Variants in PPP1R9B observed in about 807,000 individuals in gnomAD.
PPP1R9B encodes neurabin-2.
PPP1R9B carries 17 observed loss-of-function variants against 75.8 expected under a neutral mutation model. The observed-to-expected ratio is 0.22, with a 90% CI of 0.15 to 0.34. The LOEUF is 0.34. PPP1R9B is among the 10% of genes least tolerant of loss of function. The pLI is 1.00. For synonymous variants in PPP1R9B, 509 were observed against 535.4 expected (o/e 0.95, Z 0.68); for missense variants, 875 against 1,196.0 (o/e 0.73, Z 3.96).
chr17:50,147,158 AG>A (rs1429873642), intron 1 of PPP1R9B, among the ~76,000 whole-genome samples: 1 of 152,222 alleles, frequency 6.6e-6, no homozygotes, highest in Non-Finnish European at 1.5e-5. Flanking sequence ...TGCCGCCTGC[AG>A]GAATCCCAGG....
intron 3 of PPP1R9B, among the ~76,000 whole-genome samples, chr17:50,141,668 A>AC (rs1225529839): frequency 1.3e-5 from 2 of 151,724 alleles, no homozygotes; most frequent in African/African-American, 2.4e-5. Flanking sequence ...GCCTCAAAAA[A>AC]AAAAAAAAAC....
rs555126758 is a variant in PPP1R9B, at chr17:50,149,042, C to A, written c.1371+101G>T. The A allele has an allele frequency of 1.2e-3, 1,052 of 849,470 alleles. 3 individuals are homozygous for A. The highest frequency in any genetic ancestry group is 3.5e-3 in the Admixed American group (96 of 27,562). The allele number at this position is 849,470 out of a possible 1,614,324, so 52.6% of individuals were successfully genotyped here. ...TGGGAAGGGGGCTGGGTGGCAGGGG[C>A]TGACTCAGCCTGCCAAACCCGGCTG... is the stretch of plus-strand genomic sequence containing the variant. On this transcript the variant is annotated intron_variant, in intron 1 of 9. Coordinates refer to ENST00000612501, the MANE Select transcript of PPP1R9B (RefSeq NM_032595.5). This position sits in a 1 kb window ranked among gnomAD's most constrained non-coding sequence, Gnocchi z 7.2.
chr17:50,144,520 C>T (rs974153171), intron 2 of PPP1R9B, among the ~76,000 whole-genome samples: 6 of 152,182 alleles, frequency 3.9e-5, no homozygotes, highest in African/African-American at 2.4e-5. Context: ...AACAAGACCA[C>T]GTGGTCTGCA....
At chr17:50,145,390 AC>A in intron 1 of PPP1R9B, 145 bp from the exon 2 acceptor site, 1 of 1,051,790 alleles carries the variant, frequency 9.5e-7, no homozygotes, top group Non-Finnish European at 1.4e-6. Context: ...GTCCCCTGAG[AC>A]CCCAGCTCTG....
rs1252965618 is a variant in PPP1R9B, at chr17:50,139,500, G to A, written c.1948C>T (p.Leu650=). 6.2e-7 allele frequency: 1 copy of A among 1,602,464 alleles called. No individual in the cohort carries two copies. The highest frequency in any genetic ancestry group is 8.5e-7 in the Non-Finnish European group (1 of 1,172,908). The part of the protein sequence containing the change: ...GGEMAIEVFE[L]AENEDALSPV... ...GACAGTGCATCCTCGTTCTCCGCTAGCTCAAACACCTCGATGGCCATCTCA... is the reference window on the plus strand; with the variant it reads ...GACAGTGCATCCTCGTTCTCCGCTAACTCAAACACCTCGATGGCCATCTCA... Residue 650 remains leucine (L), a synonymous_variant, in exon 6 of 10, where the codon CTA becomes TTA. Transcript: ENST00000612501. The surrounding 1 kb of genome is among the most constrained non-coding windows in gnomAD (Gnocchi z 5.0).
At chr17:50,145,864 C>T (rs1437703947) in intron 1 of PPP1R9B, among the ~76,000 whole-genome samples, 1 of 152,092 alleles carries the variant, frequency 6.6e-6, no homozygotes, top group Non-Finnish European at 1.5e-5. Flanking sequence ...CAGGAAAGAC[C>T]ATCTCTATCC....
In PPP1R9B at chr17:50,150,191, C is replaced by A; in HGVS notation, c.323G>T (p.Ser108Ile). The part of the protein sequence containing the change: ...ASSLNENVDH[S>I]ALLKLGTSVS... Reference sequence around the variant, plus strand: ...GCTGGTGCCCAGCTTCAGCAGGGCGCTGTGGTCCACGTTCTCGTTCAGGCT... The same window carrying A: ...GCTGGTGCCCAGCTTCAGCAGGGCGATGTGGTCCACGTTCTCGTTCAGGCT... Residue 108 changes from serine to isoleucine, a missense_variant, in exon 1 of 10, where the codon AGC (serine) becomes ATC (isoleucine). By Grantham distance (142) the Ser-to-Ile change is moderately radical (BLOSUM62 -2). This residue lies in a region of PPP1R9B where 145 missense variants were observed against 226.1 expected (regional missense o/e 0.64). Coordinates refer to ENST00000612501, the MANE Select transcript of PPP1R9B (RefSeq NM_032595.5). This position sits in a 1 kb window ranked among gnomAD's most constrained non-coding sequence, Gnocchi z 8.7. The A allele has an allele frequency of 6.8e-7, 1 of 1,461,324 alleles. No individual in the cohort carries two copies. Among genetic ancestry groups the A allele is most frequent in the Non-Finnish European group, 9.0e-7 (1 of 1,107,512 alleles). The allele number at this position is 1,461,324 out of a possible 1,614,324, so 90.5% of individuals were successfully genotyped here.
intron 2 of PPP1R9B, 151 bp downstream of exon 2, chr17:50,144,962 A>G: frequency 1.1e-6 from 1 of 942,284 alleles, no homozygotes; most frequent in Non-Finnish European, 1.6e-6. Context: ...ACAAGGGAGG[A>G]GCGGGGAAGG....
In PPP1R9B at chr17:50,141,443, A is replaced by G. The variant is rs928495170; in HGVS notation, c.1626-70T>C. The G allele has an allele frequency of 2.4e-5, 24 of 1,007,754 alleles. No individual in the cohort carries two copies. The African/African-American group carries it at 3.3e-4, about 14-fold the overall frequency. The allele number at this position is 1,007,754 out of a possible 1,614,324, so 62.4% of individuals were successfully genotyped here. A position where few individuals can be genotyped will look rare whatever the true frequency, so the allele number is the denominator to read the frequency against. On this transcript the variant is annotated intron_variant, in intron 3 of 9. Coordinates refer to ENST00000612501, the MANE Select transcript of PPP1R9B (RefSeq NM_032595.5). ...GCGAGGGTAGAGGTAGCCTCCTCCC[A>G]TCAGAAACTCCAGGCTCCCCAGCCT... is the stretch of plus-strand genomic sequence containing the variant.
chr17:50,135,767 G>A, intron 8 of PPP1R9B, 118 bp from the exon 9 acceptor site: 1 of 987,534 alleles, frequency 1.0e-6, no homozygotes, highest in Non-Finnish European at 1.5e-6. Context: ...CTCAGGTCAG[G>A]AGGCCCCAGG....
At chr17:50,141,693 A>G (rs1912385847) in intron 3 of PPP1R9B, among the ~76,000 whole-genome samples, 1 of 152,008 alleles carries the variant, frequency 6.6e-6, no homozygotes, top group Non-Finnish European at 1.5e-5. Context: ...AAAAACAAGA[A>G]AAGAAAACAA....
rs62000365 is a variant in PPP1R9B, at chr17:50,141,307, G to A, written c.1692C>T (p.Phe564=). The A allele has an allele frequency of 7.5e-3, 11,879 of 1,592,358 alleles. 325 individuals carry two copies. The highest frequency in any genetic ancestry group is 0.073 in the African/African-American group (5,440 of 74,194). The change falls in exon 4 of 10, where the codon TTC becomes TTT. Residue 564 remains phenylalanine (F), a synonymous_variant. Transcript: ENST00000612501. The part of the protein sequence containing the change: ...GTSLVGVTQS[F]AASVLRNTKG... ...TGGTGTTCCGGAGCACAGACGCCGC[G>A]AAGCTCTGGGTCACTCCCACCAGAC...
At position 50,142,460 on chromosome 17, in the gene PPP1R9B, A is replaced by G. The variant is rs1912411023; in HGVS notation, c.1626-1087T>C. The stretch of plus-strand genomic sequence containing the variant: ...ACATTGGGAGGGGAAGGGGTAAATG[A>G]AAGGGTATCCTGTTCCCGGCCCCTC... On this transcript the variant is annotated intron_variant, in intron 3 of 9. Transcript: ENST00000612501. This position sits in a 1 kb window ranked among gnomAD's most constrained non-coding sequence, Gnocchi z 4.1. Among the ~76,000 whole-genome samples the G allele has an allele frequency of 6.6e-6, 1 of 152,166 alleles. No individual in the cohort carries two copies. Among genetic ancestry groups the G allele is most frequent in the African/African-American group, 2.4e-5 (1 of 41,424 alleles).
intron 7 of PPP1R9B, 92 bp from the exon 8 acceptor site, chr17:50,136,289 G>C (rs1365240646): frequency 4.7e-6 from 5 of 1,068,102 alleles, no homozygotes; most frequent in East Asian, 2.6e-5. Context: ...GTCGCCAGGG[G>C]ATTCCTACCG....
rs2144463793 is a variant in PPP1R9B at position 50,150,634 on chromosome 17, G to A, written c.-121C>T. ...AAAGAAACCCCGAAGGCCTTTTTTAGGGTCCCCCCAAAACCAAGCTGCCAA... is the reference window on the plus strand; with the variant it reads ...AAAGAAACCCCGAAGGCCTTTTTTAAGGTCCCCCCAAAACCAAGCTGCCAA... On this transcript the variant is annotated 5_prime_UTR_variant, in exon 1 of 10. Coordinates refer to ENST00000612501, the MANE Select transcript of PPP1R9B (RefSeq NM_032595.5). The surrounding 1 kb of genome is among the most constrained non-coding windows in gnomAD (Gnocchi z 8.7). 9.6e-7 allele frequency: 1 copy of A among 1,037,434 alleles called. No individual in the cohort carries two copies. The highest frequency in any genetic ancestry group is 3.5e-4 in the Middle Eastern group (1 of 2,840). 64.3% of individuals were successfully genotyped at this position (1,037,434 alleles called of 1,614,324 possible). A position where few individuals can be genotyped will look rare whatever the true frequency, so the allele number is the denominator to read the frequency against.
chr17:50,143,157 C>T (rs1389314803), intron 3 of PPP1R9B, among the ~76,000 whole-genome samples: 1 of 152,226 alleles, frequency 6.6e-6, no homozygotes, highest in African/African-American at 2.4e-5. Context: ...CTACCTCACA[C>T]CACACTGCAC....
chr17:50,144,485 G>A (rs566352932), intron 2 of PPP1R9B, among the ~76,000 whole-genome samples: 127 of 152,206 alleles, frequency 8.3e-4, no homozygotes, highest in Non-Finnish European at 1.5e-3. Context: ...CCTGTGCTTC[G>A]AAATGGCTCC....
At chr17:50,148,761 G>GAC (rs1229564864) in intron 1 of PPP1R9B, among the ~76,000 whole-genome samples, 1 of 152,196 alleles carries the variant, frequency 6.6e-6, no homozygotes, top group African/African-American at 2.4e-5. Flanking sequence ...CTCTCCTGAA[G>GAC]ACACACACAC....
At chr17:50,141,152 G>A in intron 4 of PPP1R9B, 117 bp downstream of exon 4, 1 of 682,558 alleles carries the variant, frequency 1.5e-6, no homozygotes, top group Non-Finnish European at 2.5e-6. Flanking sequence ...CAAGGAGTCA[G>A]CAGAACCTCT....
Sources: gnomAD v4.1 joint callset for allele counts (sites outside exome capture counted in the v4.1 genomes callset) on GRCh38, gnomAD v4.1.1 for gene constraint, gnomAD v4.1.1 regional missense constraint, Gnocchi (gnomAD v3.1) non-coding constraint, MANE v1.5 for transcripts, NCBI Gene and HGNC (gene_info 2026-07-23, HGNC 2026-07-21) for gene names.